CACNB4: variants seen among roughly 807,000 people sequenced by gnomAD.
CACNB4 encodes calcium voltage-gated channel auxiliary subunit beta 4.
A neutral mutation model predicts 71.2 loss-of-function variants in CACNB4; 32 were observed. The ratio of observed to expected loss-of-function variants is 0.45; its 90% CI spans 0.34 to 0.60. CACNB4 has a LOEUF of 0.60. Ranked by LOEUF, CACNB4 falls within the 20% of genes least tolerant of loss-of-function variation. The pLI, the probability that CACNB4 is intolerant of heterozygous loss-of-function variation, is 0.01. For missense variants in CACNB4, 464 were observed against 647.9 expected (o/e 0.72, Z 3.08); for synonymous variants, 231 against 236.9 (o/e 0.97, Z 0.23).
chr2:152,087,948 T>C (rs1454235392), intron 2 of CACNB4, among the ~76,000 whole-genome samples: 2 of 151,996 alleles, frequency 1.3e-5, no homozygotes, highest in African/African-American at 4.8e-5. Context: ...CACATGTTAA[T>C]TTATGGTTCC....
chr2:151,937,342 C>T (rs1227640534), intron 2 of CACNB4, among the ~76,000 whole-genome samples: 1 of 152,094 alleles, frequency 6.6e-6, no homozygotes, highest in East Asian at 1.9e-4. Flanking sequence ...TTTAATGCTG[C>T]CTTACACTAT....
chr2:152,004,655 A>G (rs1682622194), intron 2 of CACNB4, among the ~76,000 whole-genome samples: 3 of 152,134 alleles, frequency 2.0e-5, no homozygotes, highest in Non-Finnish European at 4.4e-5. Flanking sequence ...GAGTTGACTT[A>G]TGAAATGACA....
chr2:151,923,439 C>T (rs1343566067), intron 2 of CACNB4, among the ~76,000 whole-genome samples: 8 of 152,178 alleles, frequency 5.3e-5, no homozygotes, highest in African/African-American at 1.4e-4. Context: ...CTTGAACTTC[C>T]ATGCTTTGCT....
At chr2:151,879,369 T>A (rs750064151) in intron 4 of CACNB4, 1 of 152,184 alleles carries the variant, frequency 6.6e-6, no homozygotes, top group Non-Finnish European at 1.5e-5. Context: ...AAAGTCACTA[T>A]GTAAAATCAA....
At chr2:152,074,426 C>T (rs1206233286) in intron 2 of CACNB4, among the ~76,000 whole-genome samples, 1 of 151,716 alleles carries the variant, frequency 6.6e-6, no homozygotes, top group Admixed American at 6.6e-5. Context: ...AGCACCACCA[C>T]CATAACCATC....
At chr2:151,841,008 T>C (rs2099836074) in intron 13 of CACNB4, among the ~76,000 whole-genome samples, 1 of 152,200 alleles carries the variant, frequency 6.6e-6, no homozygotes, top group Admixed American at 6.5e-5. Context: ...AGGGAGAACC[T>C]CTTGATCCTG....
rs1486802180 is a variant in CACNB4, at chr2:151,836,713, A to C, written c.*2406T>G. ...ATCGGCATGACATGGAAGACTAAAA[A>C]CAAGGCTTTGAAAAACCTTTAAAAA... On this transcript the variant is annotated 3_prime_UTR_variant, in exon 14 of 14. Coordinates refer to ENST00000539935, the MANE Select transcript of CACNB4 (RefSeq NM_000726.5). 1 of 152,098 alleles carries C rather than the reference A, an allele frequency of 6.6e-6. No homozygotes were observed. Among genetic ancestry groups the C allele is most frequent in the Admixed American group, 6.5e-5 (1 of 15,276 alleles). 9.4% of individuals were successfully genotyped at this position (152,098 alleles called of 1,614,324 possible). A position where few individuals can be genotyped will look rare whatever the true frequency, so the allele number is the denominator to read the frequency against.
intron 2 of CACNB4, among the ~76,000 whole-genome samples, chr2:151,979,006 G>A (rs764410800): frequency 5.9e-5 from 9 of 152,032 alleles, no homozygotes; most frequent in Non-Finnish European, 1.0e-4. Context: ...CTCTGTACCT[G>A]GGTGTACCCA....
At chr2:152,080,257 G>A (rs1463508019) in intron 2 of CACNB4, among the ~76,000 whole-genome samples, 1 of 152,022 alleles carries the variant, frequency 6.6e-6, no homozygotes, top group Non-Finnish European at 1.5e-5. Flanking sequence ...GACTAGCTGG[G>A]ATTACAGGCG....
At chr2:151,878,550 T>TACACACACACAC (rs60040188) in intron 4 of CACNB4, among the ~76,000 whole-genome samples, 7,686 of 129,800 alleles carry the variant, frequency 0.059, 329 homozygotes, top group African/African-American at 0.098. Flanking sequence ...AGACCCTGTC[T>TACACACACACAC]ACACACACAC....
intron 2 of CACNB4, among the ~76,000 whole-genome samples, chr2:151,909,570 A>C (rs2099855682): frequency 6.7e-6 from 1 of 148,738 alleles, no homozygotes; most frequent in African/African-American, 2.5e-5. Context: ...CCCTCCCCTC[A>C]CTCCCCAACC....
chr2:152,075,214 C>T lies in CACNB4; in HGVS notation c.147+23116G>A, dbSNP rs556836801. On this transcript the variant is annotated intron_variant, in intron 2 of 13. Coordinates refer to ENST00000539935, the MANE Select transcript of CACNB4 (RefSeq NM_000726.5). ...TCACATTATTACTTGCCTAAGGTCA[C>T]ACAAACAGAAAGTGATAGAACATGG... Among the ~76,000 whole-genome samples, 5 of 152,308 alleles carry T rather than the reference C, an allele frequency of 3.3e-5. No homozygotes were observed. The East Asian group carries it at 7.7e-4, about 23-fold the overall frequency.
intron 2 of CACNB4, among the ~76,000 whole-genome samples, chr2:152,022,324 G>A (rs1244311360): frequency 6.6e-6 from 1 of 152,208 alleles, no homozygotes; most frequent in Non-Finnish European, 1.5e-5. Context: ...CCATCAAGGA[G>A]AAGTGGTGGA....
intron 2 of CACNB4, among the ~76,000 whole-genome samples, chr2:151,896,894 A>C (rs2099852226): frequency 6.6e-6 from 1 of 152,254 alleles, no homozygotes; most frequent in African/African-American, 2.4e-5. Context: ...GCTTAGAGAC[A>C]CTAAATAAGA....
At chr2:151,903,856 G>A (rs1349010041) in intron 2 of CACNB4, among the ~76,000 whole-genome samples, 2 of 152,172 alleles carry the variant, frequency 1.3e-5, no homozygotes, top group Non-Finnish European at 2.9e-5. Flanking sequence ...TGTTACAACT[G>A]TACGTGTGGC....
chr2:151,848,811 C>A lies in CACNB4; in HGVS notation c.1116+4637G>T, dbSNP rs1488224628. On this transcript the variant is annotated intron_variant, in intron 12 of 13. Transcript: ENST00000539935. ...AAGGATTACATTTCATTTATATGTT[C>A]AATTGTCTGTCTCTCAGCTTTTCTT... 3.9e-5 allele frequency among the ~76,000 whole-genome samples: 6 copies of A among 152,256 alleles called. No homozygotes were observed. The East Asian group carries it at 1.2e-3, about 29-fold the overall frequency.
At chr2:151,977,422 A>G (rs972340859) in intron 2 of CACNB4, among the ~76,000 whole-genome samples, 2 of 152,224 alleles carry the variant, frequency 1.3e-5, no homozygotes, top group Non-Finnish European at 2.9e-5. Context: ...GGACAGCTCT[A>G]TTTTGTATCA....
intron 2 of CACNB4, among the ~76,000 whole-genome samples, chr2:151,988,731 A>G (rs1274061942): frequency 6.6e-6 from 1 of 152,208 alleles, no homozygotes; most frequent in East Asian, 1.9e-4. Flanking sequence ...CTCTTCTTCT[A>G]TAAGGACACT....
chr2:151,900,244 T>C (rs1171890215), intron 2 of CACNB4, among the ~76,000 whole-genome samples: 1 of 152,182 alleles, frequency 6.6e-6, no homozygotes, highest in Admixed American at 6.5e-5. Context: ...AAATAAGATC[T>C]GTGTTCATGA....
Sources: allele counts gnomAD v4.1 joint callset (sites outside exome capture counted in the v4.1 genomes callset), GRCh38; gene constraint gnomAD v4.1.1; transcripts MANE v1.5; gene names NCBI Gene and HGNC (gene_info 2026-07-23, HGNC 2026-07-21).